Variants in PCCA observed in about 807,000 individuals in gnomAD.
PCCA encodes propionyl-CoA carboxylase subunit alpha, also known as propionyl-CoA carboxylase alpha chain, mitochondrial.
A neutral mutation model predicts 101.3 loss-of-function variants in PCCA; 74 were observed. The observed-to-expected ratio is 0.73, with a 90% CI of 0.61 to 0.89. The LOEUF (loss-of-function observed/expected upper bound fraction) is 0.89, where lower values mean the gene tolerates loss of function less well. Among genes scored for constraint, PCCA ranks in the 40% least tolerant of loss-of-function variants. PCCA has a pLI of 0.00. For synonymous variants in PCCA, 294 were observed against 313.6 expected (o/e 0.94, Z 0.66); for missense variants, 891 against 907.0 (o/e 0.98, Z 0.23).
At chr13:100,415,498 C>T (rs2078306546) in intron 19 of PCCA, among the ~76,000 whole-genome samples, 1 of 152,190 alleles carries the variant, frequency 6.6e-6, no homozygotes, top group South Asian at 2.1e-4. Context: ...AAGTCTATTA[C>T]AGGAGCAGGA....
intron 20 of PCCA, among the ~76,000 whole-genome samples, chr13:100,426,549 C>G (rs922980613): frequency 2.0e-5 from 3 of 152,102 alleles, no homozygotes; most frequent in African/African-American, 7.2e-5. Flanking sequence ...TACTCCATAC[C>G]TGATTCTTAT....
chr13:100,365,332 A>C, intron 18 of PCCA, among the ~76,000 whole-genome samples: 1 of 152,212 alleles, frequency 6.6e-6, no homozygotes. Context: ...AAAACAATGG[A>C]AAAATAAATA....
chr13:100,362,276 T>A (rs1231496642), intron 18 of PCCA, among the ~76,000 whole-genome samples: 1 of 152,096 alleles, frequency 6.6e-6, no homozygotes, highest in Non-Finnish European at 1.5e-5. Context: ...TGTATGTTAG[T>A]TGTATGCGAG....
chr13:100,425,876 T>C (rs2079108537), intron 20 of PCCA, 145 bp downstream of exon 20: 2 of 666,618 alleles, frequency 3.0e-6, no homozygotes, highest in African/African-American at 3.7e-5. Flanking sequence ...CTTTTTCTTT[T>C]CTTATTTTAG....
chr13:100,109,044 T>C (rs1438841217), intron 2 of PCCA, among the ~76,000 whole-genome samples: 2 of 152,234 alleles, frequency 1.3e-5, no homozygotes, highest in East Asian at 3.8e-4. Flanking sequence ...TGTTTTGTTA[T>C]AGCTTTTCCC....
At chr13:100,305,634 A>G (rs2066383975) in intron 14 of PCCA, 1 of 218,856 alleles carries the variant, frequency 4.6e-6, no homozygotes, top group Admixed American at 6.1e-5. Flanking sequence ...AAACTCACAG[A>G]TATATTTTCT....
chr13:100,470,359 G>A (rs988069919), intron 21 of PCCA, among the ~76,000 whole-genome samples: 1 of 152,184 alleles, frequency 6.6e-6, no homozygotes, highest in Non-Finnish European at 1.5e-5. Flanking sequence ...AGTAGCTTAT[G>A]TTTATGGCGG....
At chr13:100,292,965 T>TTG (rs981144145) in intron 12 of PCCA, among the ~76,000 whole-genome samples, 2 of 53,270 alleles carry the variant, frequency 3.8e-5, no homozygotes, top group African/African-American at 1.4e-4. Flanking sequence ...GTGTGTCTGT[T>TTG]TGTGTGTGTG....
At chr13:100,379,929 C>T (rs1567036490) in intron 19 of PCCA, among the ~76,000 whole-genome samples, 8 of 152,088 alleles carry the variant, frequency 5.3e-5, no homozygotes. Flanking sequence ...CAACACAATT[C>T]CTGCCGAAGT....
chr13:100,118,610 T>A (rs2049058103), intron 4 of PCCA, among the ~76,000 whole-genome samples: 1 of 152,076 alleles, frequency 6.6e-6, no homozygotes, highest in Non-Finnish European at 1.5e-5. Flanking sequence ...AGTGCAGTGG[T>A]GAGATTATAA....
chr13:100,099,468 C>G (rs1369102885), intron 1 of PCCA, among the ~76,000 whole-genome samples: 1 of 151,910 alleles, frequency 6.6e-6, no homozygotes, highest in Non-Finnish European at 1.5e-5. Flanking sequence ...CAGGCGCCTG[C>G]CACCACACCC....
intron 17 of PCCA, among the ~76,000 whole-genome samples, chr13:100,334,682 A>G (rs2070164517): frequency 6.6e-6 from 1 of 152,244 alleles, no homozygotes; most frequent in Non-Finnish European, 1.5e-5. Context: ...CTAAGATCCA[A>G]ATTAGTGACT....
chr13:100,301,719 A>C, intron 13 of PCCA, 116 bp downstream of exon 13: 1 of 1,165,868 alleles, frequency 8.6e-7, no homozygotes, highest in East Asian at 2.3e-5. Flanking sequence ...CTATTGGATT[A>C]CGTAATCCAT....
At chr13:100,526,094 T>G (rs1357761245) in intron 22 of PCCA, among the ~76,000 whole-genome samples, 1 of 152,072 alleles carries the variant, frequency 6.6e-6, no homozygotes, top group South Asian at 2.1e-4. Context: ...TGTGCTGCAG[T>G]GAACTGGACC....
chr13:100,125,905 C>G (rs1027880725), intron 4 of PCCA, among the ~76,000 whole-genome samples: 6 of 152,104 alleles, frequency 3.9e-5, no homozygotes, highest in African/African-American at 1.4e-4. Context: ...AGAATAGTAG[C>G]AGGAGGCTGA....
chr13:100,446,360 G>A (rs1353198307), intron 20 of PCCA, among the ~76,000 whole-genome samples: 3 of 152,176 alleles, frequency 2.0e-5, no homozygotes, highest in South Asian at 2.1e-4. Flanking sequence ...CAGCTTTAAT[G>A]TCTGTCTTAA....
intron 16 of PCCA, among the ~76,000 whole-genome samples, chr13:100,317,410 ATCTGCCTGCTTT>A (rs1390159830): frequency 2.0e-5 from 3 of 152,174 alleles, no homozygotes; most frequent in African/African-American, 4.8e-5. Context: ...ATACCATCGA[ATCTGCCTGCTTT>A]TCTGAACCTT....
chr13:100,258,742 A>G (rs941690798), intron 9 of PCCA, among the ~76,000 whole-genome samples: 2 of 152,214 alleles, frequency 1.3e-5, no homozygotes, highest in African/African-American at 4.8e-5. Flanking sequence ...CACTATATCC[A>G]TTCATATATT....
At chr13:100,232,351 CGT>C (rs375554722) in intron 7 of PCCA, among the ~76,000 whole-genome samples, 2,333 of 131,096 alleles carry the variant, frequency 0.018, 37 homozygotes, top group African/African-American at 0.04. Context: ...TGTGTGTATG[CGT>C]GTGTGTGTGT....
Sources: gnomAD v4.1 joint callset for allele counts (sites outside exome capture counted in the v4.1 genomes callset) on GRCh38, gnomAD v4.1.1 for gene constraint, MANE v1.5 for transcripts, NCBI Gene and HGNC (gene_info 2026-07-23, HGNC 2026-07-21) for gene names.